Variants in GSG1L observed in about 807,000 individuals in gnomAD.
The protein encoded by GSG1L is GSG1 like, also known as germ cell-specific gene 1-like protein.
Under a neutral mutation model 42.1 loss-of-function variants are expected in GSG1L, and 24 were observed. The ratio of observed to expected loss-of-function variants is 0.57; its 90% CI spans 0.41 to 0.80. GSG1L has a LOEUF of 0.80. Among genes scored for constraint, GSG1L ranks in the 30% least tolerant of loss-of-function variants. GSG1L has a pLI of 0.00. For missense variants in GSG1L, 445 were observed against 472.2 expected, an observed-to-expected ratio of 0.94 and a Z score of 0.53; for synonymous variants, 215 against 203.5, an observed-to-expected ratio of 1.06 and a Z score of -0.48.
chr16:27,810,071 G>A (rs1047564153), intron 5 of GSG1L, among the ~76,000 whole-genome samples: 8 of 152,210 alleles, frequency 5.3e-5, no homozygotes, highest in East Asian at 3.8e-4. Flanking sequence ...AACTTCCTGA[G>A]GACCTTCTCT....
intron 3 of GSG1L, among the ~76,000 whole-genome samples, chr16:27,862,770 C>T (rs924082745): frequency 2.0e-5 from 3 of 152,182 alleles, no homozygotes; most frequent in African/African-American, 7.2e-5. Context: ...GCCAGTTTCT[C>T]TTTACCAACA....
chr16:27,888,342 T>C (rs1022035263), intron 2 of GSG1L, among the ~76,000 whole-genome samples: 2 of 152,204 alleles, frequency 1.3e-5, no homozygotes, highest in Admixed American at 6.5e-5. Context: ...CATGGGGAAA[T>C]AGGCACGGGT....
intron 2 of GSG1L, among the ~76,000 whole-genome samples, chr16:27,943,566 C>CT (rs11385465): frequency 0.48 from 32,570 of 67,800 alleles, 11,656 homozygotes; most frequent in South Asian, 0.59. Context: ...TTCTTTGTTT[C>CT]TTTTTTTTTT....
intron 3 of GSG1L, chr16:27,850,464 C>A (rs9923715): frequency 0.5 from 228,776 of 453,602 alleles, 58,339 homozygotes; most frequent in African/African-American, 0.58. Flanking sequence ...ACACAATGTG[C>A]CTAGAAGAGG....
At chr16:28,055,887 A>G (rs1596737566) in intron 1 of GSG1L, among the ~76,000 whole-genome samples, 1 of 151,740 alleles carries the variant, frequency 6.6e-6, no homozygotes, top group African/African-American at 2.4e-5. Flanking sequence ...TCCTCACAAG[A>G]CAGCTCTGAG....
At chr16:28,044,748 C>T in intron 1 of GSG1L, among the ~76,000 whole-genome samples, 1 of 151,946 alleles carries the variant, frequency 6.6e-6, no homozygotes, top group African/African-American at 2.4e-5. Flanking sequence ...CTCAGCCTCC[C>T]AAGTAGCCAG....
intron 1 of GSG1L, among the ~76,000 whole-genome samples, chr16:27,994,996 GC>G (rs1356284699): frequency 6.6e-6 from 1 of 152,140 alleles, no homozygotes; most frequent in Non-Finnish European, 1.5e-5. Flanking sequence ...CTGGCTGGCT[GC>G]CCTGAAATTG....
chr16:27,956,267 C>A (rs2085004397), intron 2 of GSG1L, among the ~76,000 whole-genome samples: 1 of 152,188 alleles, frequency 6.6e-6, no homozygotes, highest in South Asian at 2.1e-4. Flanking sequence ...GACCATTTAG[C>A]AGCCTGATGC....
chr16:28,007,163 T>C (rs2085650321), intron 1 of GSG1L, among the ~76,000 whole-genome samples: 2 of 151,922 alleles, frequency 1.3e-5, no homozygotes, highest in South Asian at 4.2e-4. Flanking sequence ...CTCTGCTGGG[T>C]GATGAAGATA....
chr16:27,834,607 G>T (rs780325231), intron 4 of GSG1L, among the ~76,000 whole-genome samples: 8 of 152,116 alleles, frequency 5.3e-5, no homozygotes, highest in African/African-American at 1.9e-4. Context: ...AGTAGTTATA[G>T]GGATATTCAA....
intron 1 of GSG1L, among the ~76,000 whole-genome samples, chr16:28,046,500 C>A (rs1414960128): frequency 2.0e-5 from 3 of 151,984 alleles, no homozygotes; most frequent in Non-Finnish European, 2.9e-5. Flanking sequence ...ACGACAGGCG[C>A]CCGCCACCAT....
At chr16:28,060,467 G>C (rs75697510) in intron 1 of GSG1L, among the ~76,000 whole-genome samples, 9 of 152,266 alleles carry the variant, frequency 5.9e-5, no homozygotes, top group African/African-American at 2.2e-4. Context: ...TTTTGGGGGA[G>C]GGATGATCTC....
intron 1 of GSG1L, among the ~76,000 whole-genome samples, chr16:27,966,039 G>C (rs1011167461): frequency 1.3e-5 from 2 of 152,052 alleles, no homozygotes; most frequent in East Asian, 3.8e-4. Flanking sequence ...ATCTTTAAAC[G>C]TGCCGGGCAT....
intron 1 of GSG1L, among the ~76,000 whole-genome samples, chr16:28,015,955 A>T (rs1006876252): frequency 2.6e-5 from 4 of 152,194 alleles, no homozygotes; most frequent in African/African-American, 9.7e-5. Context: ...CTGAAACAAT[A>T]GGCCAGTGGC....
chr16:27,894,947 G>A lies in GSG1L; in HGVS notation c.398-10309C>T, dbSNP rs551237351. Among the ~76,000 whole-genome samples, 14 of 152,234 alleles carry A rather than the reference G, an allele frequency of 9.2e-5. No individual in the cohort carries two copies. The East Asian group carries it at 2.7e-3, about 29-fold the overall frequency. On this transcript the variant is annotated intron_variant, in intron 2 of 6. Coordinates refer to ENST00000447459, the MANE Select transcript of GSG1L (RefSeq NM_001109763.2). ...AGGTTCGAGGGGGAAAGGGCTGTCT[G>A]GAAGAGAGAACTACAGTGAGACCAA...
intron 2 of GSG1L, among the ~76,000 whole-genome samples, chr16:27,960,592 G>A (rs880380): frequency 0.071 from 10,793 of 152,162 alleles, 474 homozygotes; most frequent in Admixed American, 0.15. Context: ...CAAGTCCCTC[G>A]TCTCTCTGCC....
chr16:27,950,235 A>C (rs2141095113), intron 2 of GSG1L, among the ~76,000 whole-genome samples: 1 of 152,296 alleles, frequency 6.6e-6, no homozygotes, highest in African/African-American at 2.4e-5. Flanking sequence ...CCCTTAACAG[A>C]GTCTATTTGC....
intron 1 of GSG1L, among the ~76,000 whole-genome samples, chr16:28,017,200 G>A (rs937629417): frequency 3.9e-5 from 6 of 152,146 alleles, no homozygotes; most frequent in Non-Finnish European, 8.8e-5. Flanking sequence ...CATCATTCTG[G>A]GGTGACTGTT....
At position 27,987,203 on chromosome 16, in the gene GSG1L, G is replaced by C. The variant is rs1596677202; in HGVS notation, c.350-24000C>G. Among the ~76,000 whole-genome samples the C allele has an allele frequency of 5.2e-5, 7 of 135,884 alleles. No homozygotes were observed. The South Asian group carries it at 2.0e-3, about 38-fold the overall frequency. 89.1% of individuals were successfully genotyped at this position (135,884 alleles called of 152,430 possible). A position where few individuals can be genotyped will look rare whatever the true frequency, so the allele number is the denominator to read the frequency against. ...CTGCACTCCAGCCTGGGCGACAAGA[G>C]TGAACTCCGTCTCAAAAAAAAAAAA... On this transcript the variant is annotated intron_variant, in intron 1 of 6. Transcript: ENST00000447459.
Sources: allele counts gnomAD v4.1 joint callset (sites outside exome capture counted in the v4.1 genomes callset), GRCh38; gene constraint gnomAD v4.1.1; transcripts MANE v1.5; gene names NCBI Gene and HGNC (gene_info 2026-07-23, HGNC 2026-07-21).